Variants in SLIT3 observed in about 807,000 individuals in gnomAD.
SLIT3 encodes slit guidance ligand 3.
Under a neutral mutation model 184.0 loss-of-function variants are expected in SLIT3, and 68 were observed. The ratio of observed to expected loss-of-function variants is 0.37; its 90% CI spans 0.30 to 0.45. The LOEUF (loss-of-function observed/expected upper bound fraction) is 0.45. Ranked by LOEUF, SLIT3 falls within the 20% of genes least tolerant of loss-of-function variation. The pLI, the probability that SLIT3 is intolerant of heterozygous loss-of-function variation, is 1.00. For missense variants in SLIT3, 1,707 were observed against 2,026.0 expected (o/e 0.84, Z 3.02); for synonymous variants, 831 against 828.6 (o/e 1.00, Z -0.05).
At chr5:168,950,590 T>A (rs1278622899) in intron 4 of SLIT3, among the ~76,000 whole-genome samples, 1 of 152,258 alleles carries the variant, frequency 6.6e-6, no homozygotes, top group African/African-American at 2.4e-5. Flanking sequence ...AAAACTTTAT[T>A]TACAGAAACA....
At chr5:168,741,320 A>AAAT in intron 20 of SLIT3, among the ~76,000 whole-genome samples, 5 of 151,828 alleles carry the variant, frequency 3.3e-5, no homozygotes, top group Admixed American at 1.3e-4. Context: ...AAATACAAAA[A>AAAT]ATTAGCTGGG....
At chr5:168,882,139 C>T (rs1297490398) in intron 5 of SLIT3, among the ~76,000 whole-genome samples, 1 of 152,168 alleles carries the variant, frequency 6.6e-6, no homozygotes, top group Non-Finnish European at 1.5e-5. Flanking sequence ...AACTAAAACC[C>T]CTGCATTCAT....
intron 5 of SLIT3, among the ~76,000 whole-genome samples, chr5:168,856,385 T>C (rs1264388071): frequency 3.9e-5 from 6 of 152,148 alleles, no homozygotes; most frequent in Non-Finnish European, 8.8e-5. Context: ...CAAACCTGAT[T>C]CTATCTGGGT....
chr5:168,876,055 T>A (rs1273981782), intron 5 of SLIT3, among the ~76,000 whole-genome samples: 1 of 152,148 alleles, frequency 6.6e-6, no homozygotes, highest in African/African-American at 2.4e-5. Context: ...AGCACCCCAT[T>A]TGAGACGAGA....
At chr5:169,063,204 G>A (rs1402787141) in intron 4 of SLIT3, among the ~76,000 whole-genome samples, 2 of 152,164 alleles carry the variant, frequency 1.3e-5, no homozygotes, top group Non-Finnish European at 2.9e-5. Flanking sequence ...TGGCCTTAAT[G>A]CCGGCTGCAT....
intron 4 of SLIT3, among the ~76,000 whole-genome samples, chr5:168,980,806 A>G (rs531516209): frequency 1.3e-4 from 20 of 152,364 alleles, no homozygotes; most frequent in East Asian, 9.6e-4. Context: ...TCCATACAAT[A>G]GAATACCATG....
At chr5:168,987,066 A>C (rs1251929156) in intron 4 of SLIT3, among the ~76,000 whole-genome samples, 1 of 152,176 alleles carries the variant, frequency 6.6e-6, no homozygotes, top group Non-Finnish European at 1.5e-5. Context: ...AAAGAAGGCT[A>C]ATATTTATCA....
At position 168,724,456 on chromosome 5, in the gene SLIT3, C is replaced by T. The variant is rs764879153; in HGVS notation, c.2299G>A (p.Val767Met). The change falls in exon 21 of 36, where the codon GTG becomes ATG. Residue 767 changes from valine to methionine, a missense_variant. Around this residue, in one of 3 missense-constraint regions of SLIT3, gnomAD observed 1,307 missense variants for 1,511.6 expected, o/e 0.86. Transcript: ENST00000519560. ...CGGAGGGCGGACAGCTCTCTGGGCA[C>T]GGCTGTTAGGTGGTTTCCTTCCAGG... is the stretch of plus-strand genomic sequence containing the variant. Reference protein sequence around the residue: ...LYLEGNHLTAVPRELSALRHL... With the variant: ...LYLEGNHLTAMPRELSALRHL... 8 of 1,613,112 alleles carry T rather than the reference C, an allele frequency of 5.0e-6. No individual in the cohort carries two copies. In the South Asian group the frequency reaches 6.6e-5, roughly 13 times the overall value.
chr5:169,033,938 G>C (rs144175451), intron 4 of SLIT3, among the ~76,000 whole-genome samples: 1 of 149,708 alleles, frequency 6.7e-6, no homozygotes, highest in Admixed American at 6.7e-5. Context: ...TCAGCCTCCC[G>C]AGTAGCTGGG....
chr5:169,282,979 C>T (rs1362996181), intron 1 of SLIT3, among the ~76,000 whole-genome samples: 1 of 152,210 alleles, frequency 6.6e-6, no homozygotes, highest in Non-Finnish European at 1.5e-5. Flanking sequence ...TTTTTTAAGT[C>T]TCCCCAGATG....
intron 4 of SLIT3, among the ~76,000 whole-genome samples, chr5:168,897,423 G>C (rs1269673934): frequency 6.6e-6 from 1 of 152,140 alleles, no homozygotes; most frequent in African/African-American, 2.4e-5. Flanking sequence ...AGATGAGAGA[G>C]AGAGAGAGAC....
chr5:169,014,096 A>AAGGCAGGC (rs60057409), intron 4 of SLIT3, among the ~76,000 whole-genome samples: 8,046 of 150,256 alleles, frequency 0.054, 312 homozygotes, highest in African/African-American at 0.1. Flanking sequence ...TGTGGGAAGG[A>AAGGCAGGC]AGGCAGGCAG....
At chr5:169,193,861 A>C (rs1763651798) in intron 3 of SLIT3, among the ~76,000 whole-genome samples, 1 of 152,216 alleles carries the variant, frequency 6.6e-6, no homozygotes, top group Non-Finnish European at 1.5e-5. Context: ...ACTCCAGACA[A>C]GACTTTTGAA....
At chr5:169,292,971 A>G (rs1767401571) in intron 1 of SLIT3, among the ~76,000 whole-genome samples, 1 of 152,216 alleles carries the variant, frequency 6.6e-6, no homozygotes, top group South Asian at 2.1e-4. Flanking sequence ...GCTGGCTGAT[A>G]GAAGTCAAAT....
chr5:168,674,076 C>T (rs1056769740), intron 32 of SLIT3, among the ~76,000 whole-genome samples: 2 of 152,192 alleles, frequency 1.3e-5, no homozygotes, highest in African/African-American at 4.8e-5. Flanking sequence ...AACAAACTCT[C>T]TCACAGTTAA....
intron 4 of SLIT3, among the ~76,000 whole-genome samples, chr5:169,167,046 T>A (rs1414167941): frequency 6.6e-6 from 1 of 151,916 alleles, no homozygotes; most frequent in Non-Finnish European, 1.5e-5. Context: ...AATGTACACC[T>A]ATAGTCCTAG....
chr5:169,296,701 G>A (rs1381556906), intron 1 of SLIT3, among the ~76,000 whole-genome samples: 2 of 152,174 alleles, frequency 1.3e-5, no homozygotes, highest in Non-Finnish European at 2.9e-5. Flanking sequence ...CCCAACCACC[G>A]GCAAAGCTAG....
At chr5:168,998,742 A>ACAAAACAAACCAAAAGAAAT (rs771607843) in intron 4 of SLIT3, among the ~76,000 whole-genome samples, 1 of 151,902 alleles carries the variant, frequency 6.6e-6, no homozygotes, top group Admixed American at 6.6e-5. Flanking sequence ...ACAAAACAAA[A>ACAAAACAAACCAAAAGAAAT]GGCCATTGAA....
intron 4 of SLIT3, among the ~76,000 whole-genome samples, chr5:168,894,588 C>A (rs1215830784): frequency 6.6e-6 from 1 of 152,154 alleles, no homozygotes; most frequent in Non-Finnish European, 1.5e-5. Context: ...ACTAAGGAGC[C>A]ACAGATAAAG....
Sources: gnomAD v4.1 joint callset for allele counts (sites outside exome capture counted in the v4.1 genomes callset) on GRCh38, gnomAD v4.1.1 for gene constraint, gnomAD v4.1.1 regional missense constraint, MANE v1.5 for transcripts, NCBI Gene and HGNC (gene_info 2026-07-23, HGNC 2026-07-21) for gene names.